Variants in KIAA1755 observed in about 807,000 individuals in gnomAD.
KIAA1755 encodes uncharacterized protein KIAA1755.
In KIAA1755, 68 loss-of-function variants were observed where a neutral mutation model predicts 91.7. The observed-to-expected ratio is 0.74, with a 90% CI of 0.61 to 0.91. The LOEUF is 0.91. Among genes scored for constraint, KIAA1755 ranks in the 40% least tolerant of loss-of-function variants. KIAA1755 has a pLI of 0.00. For missense variants in KIAA1755, 1,535 were observed against 1,494.4 expected, an observed-to-expected ratio of 1.03 and a Z score of -0.45; for synonymous variants, 610 against 604.6, an observed-to-expected ratio of 1.01 and a Z score of -0.13.
At position 38,213,222 on chromosome 20, in the gene KIAA1755, G is replaced by C; in HGVS notation, c.3423C>G (p.Gly1141=). The C allele has an allele frequency of 6.2e-7, 1 of 1,613,286 alleles. No individual in the cohort carries two copies. The highest frequency in any genetic ancestry group is 1.3e-5 in the African/African-American group (1 of 75,074). ...GQAAEAEDGK[G]SHKLPDPARE... ...GGGCAGGGTCAGGCAGCTTGTGGGA[G>C]CCTTTGCCGTCTTCAGCCTCTGCAG... Residue 1141 remains glycine (G), a synonymous_variant, in exon 14 of 14, where the codon GGC becomes GGG. Coordinates refer to ENST00000279024, the MANE Select transcript of KIAA1755 (RefSeq NM_001029864.2).
At chr20:38,231,044 C>T (rs1198663817) in intron 5 of KIAA1755, among the ~76,000 whole-genome samples, 158 bp downstream of exon 5, 1 of 152,198 alleles carries the variant, frequency 6.6e-6, no homozygotes, top group East Asian at 1.9e-4. Flanking sequence ...GGGACTGAGG[C>T]TGTTTTGCTT....
chr20:38,260,579 G>A lies in KIAA1755; in HGVS notation c.-79C>T. The stretch of plus-strand genomic sequence containing the variant: ...TGTGGGTCCGCGGGTCCGTCTGTCT[G>A]GGGCAGCCCTCGGTCCCGCCTAGCC... On this transcript the variant is annotated 5_prime_UTR_variant, in exon 1 of 14. Transcript: ENST00000279024. 2.0e-6 allele frequency: 3 copies of A among 1,468,890 alleles called. No individual in the cohort carries two copies. Among genetic ancestry groups the A allele is most frequent in the Non-Finnish European group, 1.8e-6 (2 of 1,112,256 alleles). 91.0% of individuals were successfully genotyped at this position (1,468,890 alleles called of 1,614,324 possible).
intron 7 of KIAA1755, among the ~76,000 whole-genome samples, chr20:38,226,863 A>G (rs1376144588): frequency 6.6e-6 from 1 of 152,150 alleles, no homozygotes; most frequent in East Asian, 1.9e-4. Context: ...GACCAGATGA[A>G]GCTTTTCAAA....
chr20:38,239,489 G>C (rs1350026520), intron 4 of KIAA1755, 39 bp downstream of exon 4: 4 of 1,601,280 alleles, frequency 2.5e-6, no homozygotes, highest in Non-Finnish European at 3.4e-6. Context: ...GGGGCCCCCA[G>C]CTCCCTCCCT....
chr20:38,213,150 C>T lies in KIAA1755; in HGVS notation c.3495G>A (p.Arg1165=), dbSNP rs1366959489. ...CAGTGAGGCGAGGGACCTGGCTCTG[C>T]CTGGGGGGCTGCTGCCGGAAGAAGG... The part of the protein sequence containing the change: ...ATTFFRQQPP[R]QSQVPRLTGG... Residue 1165 remains arginine, a synonymous_variant, in exon 14 of 14, where the codon AGG becomes AGA. Transcript: ENST00000279024. 6.2e-7 allele frequency: 1 copy of T among 1,613,418 alleles called. No individual in the cohort carries two copies. The highest frequency in any genetic ancestry group is 1.1e-5 in the South Asian group (1 of 91,006).
At chr20:38,260,234 T>G in intron 1 of KIAA1755, 2 of 1,513,930 alleles carry the variant, frequency 1.3e-6, no homozygotes, top group East Asian at 2.6e-5. Flanking sequence ...GGTCTAGGGG[T>G]TGGGGAATAT....
chr20:38,257,144 A>G (rs1220940488), intron 1 of KIAA1755, among the ~76,000 whole-genome samples: 2 of 152,144 alleles, frequency 1.3e-5, no homozygotes, highest in Non-Finnish European at 2.9e-5. Context: ...CACAGCCTAG[A>G]ATTATCTGTG....
At chr20:38,221,148 G>A (rs975947678) in intron 10 of KIAA1755, among the ~76,000 whole-genome samples, 5 of 152,194 alleles carry the variant, frequency 3.3e-5, no homozygotes, top group Non-Finnish European at 7.4e-5. Context: ...CCCAGGGTGC[G>A]TGAATAGGAT....
chr20:38,228,188 G>A lies in KIAA1755; in HGVS notation c.1924C>T (p.Pro642Ser), dbSNP rs1012388030. ...GCGCTGACCAGACCGGGCTGTGGGG[G>A]CTGTCTCCTGGCGTCAATCAGGACC... ...LAVLIDARRQ[P>S]PQPGLVSALQ... Residue 642 changes from proline (P) to serine (S), a missense_variant, in exon 6 of 14, where the codon CCC becomes TCC. Transcript: ENST00000279024. 2.5e-6 allele frequency: 4 copies of A among 1,604,486 alleles called. No homozygotes were observed. In the African/African-American group the frequency reaches 4.0e-5, roughly 16 times the overall value.
At position 38,212,649 on chromosome 20, in the gene KIAA1755, A is replaced by T; in HGVS notation, c.*393T>A. 5.9e-6 allele frequency: 1 copy of T among 170,040 alleles called. No homozygotes were observed. Among genetic ancestry groups the T allele is most frequent in the Non-Finnish European group, 1.3e-5 (1 of 79,190 alleles). The allele number at this position is 170,040 out of a possible 1,614,324, so 10.5% of individuals were successfully genotyped here. ...CTCCCCGAGGATTCTGCCTAAGGGCAACACTGGCCCTCGTACCCGAGGGGA... is the reference window on the plus strand; with the variant it reads ...CTCCCCGAGGATTCTGCCTAAGGGCTACACTGGCCCTCGTACCCGAGGGGA... On this transcript the variant is annotated 3_prime_UTR_variant, in exon 14 of 14. Coordinates refer to ENST00000279024, the MANE Select transcript of KIAA1755 (RefSeq NM_001029864.2).
intron 1 of KIAA1755, among the ~76,000 whole-genome samples, chr20:38,254,836 G>T (rs1223607257): frequency 1.3e-5 from 2 of 151,924 alleles, no homozygotes; most frequent in Non-Finnish European, 2.9e-5. Context: ...CTGGGATGTG[G>T]TTTCTGAATG....
intron 1 of KIAA1755, among the ~76,000 whole-genome samples, chr20:38,253,070 C>CGCCTGGGCCA (rs148930796): frequency 0.29 from 43,447 of 147,428 alleles, 6,462 homozygotes; most frequent in South Asian, 0.4. Flanking sequence ...GCCCGCAGCC[C>CGCCTGGGCCA]GGCAGGAGCC....
chr20:38,239,475 C>A (rs547348329), intron 4 of KIAA1755, 53 bp downstream of exon 4: 5 of 1,557,266 alleles, frequency 3.2e-6, no homozygotes, highest in Non-Finnish European at 3.5e-6. Context: ...GCTGAAGATG[C>A]TCTGGGGCCC....
At position 38,213,482 on chromosome 20, in the gene KIAA1755, T is replaced by A; in HGVS notation, c.3163A>T (p.Ser1055Cys). ...GCAGCTGGAGCCTCTGGGCAAGAGC[T>A]GTGGGTCAGTGCCTTCTCCAGGAGC... Reference protein sequence around the residue: ...RMLLEKALTHSSCPEAPAAHS... With the variant: ...RMLLEKALTHCSCPEAPAAHS... The change falls in exon 14 of 14, where the codon AGC becomes TGC. Residue 1055 changes from serine to cysteine, a missense_variant. Coordinates refer to ENST00000279024, the MANE Select transcript of KIAA1755 (RefSeq NM_001029864.2). 6.2e-6 allele frequency: 10 copies of A among 1,607,146 alleles called. No individual in the cohort carries two copies. The highest frequency in any genetic ancestry group is 8.5e-6 in the Non-Finnish European group (10 of 1,177,036).
In KIAA1755 at chr20:38,231,444, T is replaced by C. The variant is rs544123763; in HGVS notation, c.1748-119A>G. 1.0e-4 allele frequency: 117 copies of C among 1,132,196 alleles called. No homozygotes were observed. In the Middle Eastern group the frequency reaches 2.4e-3, roughly 24 times the overall value. The allele number at this position is 1,132,196 out of a possible 1,614,324, so 70.1% of individuals were successfully genotyped here. On this transcript the variant is annotated intron_variant, in intron 4 of 13. Coordinates refer to ENST00000279024, the MANE Select transcript of KIAA1755 (RefSeq NM_001029864.2). ...TCCTTTGCCTGGAACACCCTTTCTCTCCTTCTCCTTCTGTGAACTCTGACT... is the reference window on the plus strand; with the variant it reads ...TCCTTTGCCTGGAACACCCTTTCTCCCCTTCTCCTTCTGTGAACTCTGACT...
chr20:38,238,513 CT>C (rs1348756705), intron 4 of KIAA1755, among the ~76,000 whole-genome samples: 1 of 152,166 alleles, frequency 6.6e-6, no homozygotes, highest in Non-Finnish European at 1.5e-5. Flanking sequence ...TAGGACTGGG[CT>C]TTACGTTACT....
Position 38,241,026 on chromosome 20 carries a change from G to A in KIAA1755, c.1105C>T (p.Pro369Ser). The A allele has an allele frequency of 6.2e-7, 1 of 1,614,178 alleles. No homozygotes were observed. The highest frequency in any genetic ancestry group is 8.5e-7 in the Non-Finnish European group (1 of 1,180,044). The change falls in exon 3 of 14, where the codon CCC (proline) becomes TCC (serine). Residue 369 changes from proline (P) to serine (S), a missense_variant. By Grantham distance (74) the Pro-to-Ser change is moderately conservative. Transcript: ENST00000279024. Reference sequence around the variant, plus strand: ...AGGACATTCATGTAGGAGCCTTGGGGCGGCCTTTCTGAGTTGTGGGTGGGT... The same window carrying A: ...AGGACATTCATGTAGGAGCCTTGGGACGGCCTTTCTGAGTTGTGGGTGGGT... ...KAPTHNSERP[P>S]QGSYMNVLED...
chr20:38,247,379 G>A (rs953480438), intron 1 of KIAA1755, among the ~76,000 whole-genome samples: 44 of 151,196 alleles, frequency 2.9e-4, no homozygotes, highest in African/African-American at 7.7e-4. Context: ...CGAGGCCACC[G>A]CACATGCAGT....
intron 4 of KIAA1755, among the ~76,000 whole-genome samples, chr20:38,235,753 G>A (rs138375438): frequency 6.6e-5 from 10 of 152,308 alleles, no homozygotes; most frequent in East Asian, 1.9e-4. Flanking sequence ...GTTGTTTTAC[G>A]TCACTAATTT....
Sources: allele counts gnomAD v4.1 joint callset (sites outside exome capture counted in the v4.1 genomes callset), GRCh38; gene constraint gnomAD v4.1.1; transcripts MANE v1.5; gene names NCBI Gene and HGNC (gene_info 2026-07-23, HGNC 2026-07-21).